The following ASIC2 variants were observed in gnomAD, a reference collection of about 807,000 sequenced individuals.
ASIC2 encodes acid-sensing ion channel 2.
Under a neutral mutation model 57.3 loss-of-function variants are expected in ASIC2, and 25 were observed. That is an observed-to-expected ratio of 0.44 (90% CI 0.32 to 0.61). The LOEUF (loss-of-function observed/expected upper bound fraction) is 0.61. ASIC2 is among the 20% of genes least tolerant of loss of function. The pLI is 0.06. For missense variants in ASIC2, 641 were observed against 738.1 expected (o/e 0.87, Z 1.52); for synonymous variants, 319 against 307.5 (o/e 1.04, Z -0.39).
At chr17:33,802,315 G>T (rs1912154371) in intron 1 of ASIC2, among the ~76,000 whole-genome samples, 1 of 152,212 alleles carries the variant, frequency 6.6e-6, no homozygotes, top group Non-Finnish European at 1.5e-5. Context: ...GTAGTGAGCT[G>T]TACCACCTAA....
intron 1 of ASIC2, among the ~76,000 whole-genome samples, chr17:33,814,076 T>C (rs1412920310): frequency 6.6e-6 from 1 of 152,042 alleles, no homozygotes; most frequent in East Asian, 1.9e-4. Flanking sequence ...GGGACTTGCA[T>C]GGAGAAATGA....
At chr17:33,478,129 G>A (rs1403034875) in intron 1 of ASIC2, among the ~76,000 whole-genome samples, 3 of 152,236 alleles carry the variant, frequency 2.0e-5, no homozygotes, top group Non-Finnish European at 4.4e-5. Flanking sequence ...AGGCATGGCA[G>A]CCTAGCTGGG....
At chr17:33,911,681 G>C (rs1468594685) in intron 1 of ASIC2, among the ~76,000 whole-genome samples, 2 of 152,210 alleles carry the variant, frequency 1.3e-5, no homozygotes, top group African/African-American at 4.8e-5. Flanking sequence ...GACCACAGCA[G>C]ACCCAGGAGT....
intron 1 of ASIC2, among the ~76,000 whole-genome samples, chr17:33,901,114 C>T (rs1915222562): frequency 6.6e-6 from 1 of 152,184 alleles, no homozygotes; most frequent in South Asian, 2.1e-4. Context: ...GACCTGTCTG[C>T]CCTTTTCCTC....
intron 1 of ASIC2, among the ~76,000 whole-genome samples, chr17:33,485,915 C>G (rs1407018444): frequency 7.2e-5 from 11 of 152,238 alleles, no homozygotes; most frequent in Non-Finnish European, 1.5e-4. Context: ...AGTTCATGCT[C>G]AGAACTGGCC....
At chr17:33,577,710 C>T (rs1019781344) in intron 1 of ASIC2, among the ~76,000 whole-genome samples, 92 of 152,228 alleles carry the variant, frequency 6.0e-4, no homozygotes, top group African/African-American at 2.1e-3. Context: ...AGGAATTAGC[C>T]ACCAACTGAG....
intron 1 of ASIC2, among the ~76,000 whole-genome samples, chr17:33,299,207 A>G (rs1459860570): frequency 6.6e-6 from 1 of 151,218 alleles, no homozygotes; most frequent in Non-Finnish European, 1.5e-5. Context: ...GACTACAGTA[A>G]CCAAAACAGC....
In ASIC2 at chr17:33,574,693, T is replaced by C. The variant is rs186307927; in HGVS notation, c.556-462626A>G. Reference sequence around the variant, plus strand: ...TTTATTTTTCATAGATGTTAATCTATTTTTAGCCTTACAAATTGCATATAT... The same window carrying C: ...TTTATTTTTCATAGATGTTAATCTACTTTTAGCCTTACAAATTGCATATAT... On this transcript the variant is annotated intron_variant, in intron 1 of 9. Coordinates refer to the ASIC2 transcript ENST00000359872. Among the ~76,000 whole-genome samples the C allele has an allele frequency of 7.9e-5, 12 of 152,346 alleles. No individual in the cohort carries two copies. In the East Asian group the frequency reaches 1.9e-3, roughly 24 times the overall value.
chr17:33,594,745 G>A (rs1044705844), intron 1 of ASIC2, among the ~76,000 whole-genome samples: 6 of 151,690 alleles, frequency 4.0e-5, no homozygotes, highest in Admixed American at 2.0e-4. Context: ...GGAGAATGAC[G>A]TGAACCCGGG....
At chr17:34,104,442 G>A (rs901538236) in intron 1 of ASIC2, among the ~76,000 whole-genome samples, 9 of 152,012 alleles carry the variant, frequency 5.9e-5, no homozygotes, top group African/African-American at 2.2e-4. Flanking sequence ...TTCCTTTTGA[G>A]TCTTTATGCT....
At chr17:33,857,341 GAGA>G (rs1913986761) in intron 1 of ASIC2, among the ~76,000 whole-genome samples, 1 of 152,180 alleles carries the variant, frequency 6.6e-6, no homozygotes, top group Non-Finnish European at 1.5e-5. Flanking sequence ...AGGGGAAACT[GAGA>G]AGGAGAAGAG....
chr17:33,694,163 A>G (rs1026103689), intron 1 of ASIC2, among the ~76,000 whole-genome samples: 7 of 152,136 alleles, frequency 4.6e-5, no homozygotes, highest in Non-Finnish European at 8.8e-5. Context: ...GCTATGGGTA[A>G]TATTCCCGAG....
chr17:33,297,956 CTTTTT>C (rs35388631), upstream of ASIC2, among the ~76,000 whole-genome samples: 8 of 136,802 alleles, frequency 5.8e-5, no homozygotes, highest in East Asian at 1.7e-3. Context: ...CTTTCTCTGC[CTTTTT>C]TTTTTTTTTG....
At chr17:33,884,481 T>C (rs1207579263) in intron 1 of ASIC2, among the ~76,000 whole-genome samples, 1 of 152,158 alleles carries the variant, frequency 6.6e-6, no homozygotes, top group Non-Finnish European at 1.5e-5. Flanking sequence ...TGGATCCTGA[T>C]GGATTCAGAC....
chr17:33,505,677 T>C (rs1215552938), intron 1 of ASIC2, among the ~76,000 whole-genome samples: 3 of 152,234 alleles, frequency 2.0e-5, no homozygotes, highest in African/African-American at 7.2e-5. Flanking sequence ...CTATTCCAAG[T>C]GAGTTGCAGA....
chr17:33,639,066 T>C (rs1170251042), intron 1 of ASIC2, among the ~76,000 whole-genome samples: 1 of 151,506 alleles, frequency 6.6e-6, no homozygotes, highest in Non-Finnish European at 1.5e-5. Context: ...TAATGAGTGA[T>C]ATAAAGGTGA....
chr17:33,168,175 C>A (rs1352618827), intron 1 of ASIC2, among the ~76,000 whole-genome samples: 8 of 152,212 alleles, frequency 5.3e-5, no homozygotes, highest in African/African-American at 1.9e-4. Flanking sequence ...TGATCTTGGA[C>A]TTACCAGCCT....
intron 1 of ASIC2, among the ~76,000 whole-genome samples, chr17:33,506,512 T>C (rs12602965): frequency 0.23 from 35,438 of 151,978 alleles, 4,615 homozygotes; most frequent in East Asian, 0.54. Context: ...CCTTGATCTC[T>C]AAGCCTGCCC....
chr17:33,925,521 C>T (rs1051525489), intron 1 of ASIC2, among the ~76,000 whole-genome samples: 7 of 152,180 alleles, frequency 4.6e-5, no homozygotes, highest in African/African-American at 9.7e-5. Flanking sequence ...TCTCTTCTCC[C>T]GATAACTGTG....
Sources: gnomAD v4.1 joint callset for allele counts (sites outside exome capture counted in the v4.1 genomes callset) on GRCh38, gnomAD v4.1.1 for gene constraint, MANE v1.5 for transcripts, NCBI Gene and HGNC (gene_info 2026-07-23, HGNC 2026-07-21) for gene names.